Variants in ST6GAL2 observed in about 807,000 individuals in gnomAD.
ST6GAL2 encodes the protein ST6 beta-galactoside alpha-2,6-sialyltransferase 2.
A neutral mutation model predicts 37.5 loss-of-function variants in ST6GAL2; 24 were observed. The ratio of observed to expected loss-of-function variants is 0.64; its 90% CI spans 0.46 to 0.90. The LOEUF (loss-of-function observed/expected upper bound fraction) is 0.90. Among genes scored for constraint, ST6GAL2 ranks in the 40% least tolerant of loss-of-function variants. ST6GAL2 has a pLI of 0.00. For synonymous variants in ST6GAL2, 306 were observed against 295.1 expected (o/e 1.04, Z -0.38); for missense variants, 715 against 712.7 (o/e 1.00, Z -0.04).
intron 1 of ST6GAL2, among the ~76,000 whole-genome samples, chr2:106,857,694 C>T (rs138901333): frequency 6.6e-5 from 10 of 152,220 alleles, no homozygotes; most frequent in African/African-American, 2.4e-4. Context: ...ATATTTAATA[C>T]AAAATATGGC....
rs4676092 is a variant in ST6GAL2, at chr2:106,843,417, C to T, written c.561G>A (p.Glu187=). The change falls in exon 2 of 6, where the codon GAG becomes GAA. Residue 187 remains glutamate, a synonymous_variant. Coordinates refer to ENST00000409382, the MANE Select transcript of ST6GAL2 (RefSeq NM_001142351.2). ...ACAGCCTGTCGCCGTCGTCGCCCTC[C>T]TCCAACACGTGGCTCCTTCTCTGCC... ...HRRQRRSHVL[E]EGDDGDRLYS... is the part of the protein sequence containing the mutation. 799 of 1,614,148 alleles carry T rather than the reference C, an allele frequency of 4.9e-4. 18 individuals are homozygous for T. The South Asian group carries it at 7.2e-3, about 15-fold the overall frequency.
At chr2:106,886,623 TC>T (rs1005673565), upstream of ST6GAL2, 1 of 151,690 alleles carries the variant, frequency 6.6e-6, no homozygotes, top group Non-Finnish European at 1.5e-5. Context: ...AGGCGGCGGT[TC>T]CCGGCCCACG....
At chr2:106,876,924 G>C (rs1678528427) in intron 1 of ST6GAL2, among the ~76,000 whole-genome samples, 1 of 152,058 alleles carries the variant, frequency 6.6e-6, no homozygotes, top group African/African-American at 2.4e-5. Flanking sequence ...AGAAAGACAT[G>C]TGCTTAGAGA....
intron 5 of ST6GAL2, chr2:106,813,282 C>T (rs1675681139): frequency 8.3e-7 from 1 of 1,209,462 alleles, no homozygotes; most frequent in Non-Finnish European, 1.1e-6. Context: ...GCAATTGTGA[C>T]TCAAGAGGCA....
intron 1 of ST6GAL2, among the ~76,000 whole-genome samples, chr2:106,853,533 C>A (rs942730318): frequency 6.6e-6 from 1 of 152,138 alleles, no homozygotes; most frequent in Non-Finnish European, 1.5e-5. Context: ...TCGAAGGATG[C>A]ACAGGTATGG....
intron 1 of ST6GAL2, among the ~76,000 whole-genome samples, chr2:106,854,465 C>A (rs1000351293): frequency 6.6e-6 from 1 of 152,192 alleles, no homozygotes; most frequent in Non-Finnish European, 1.5e-5. Flanking sequence ...TGGCATAACA[C>A]ACATGGATTT....
intron 5 of ST6GAL2, chr2:106,813,153 TC>T: frequency 7.9e-7 from 1 of 1,270,818 alleles, no homozygotes; most frequent in Non-Finnish European, 1.0e-6. Flanking sequence ...CACTCTGTCG[TC>T]CAGGCTGGAG....
intron 2 of ST6GAL2, among the ~76,000 whole-genome samples, chr2:106,840,309 T>G (rs1676825363): frequency 6.6e-6 from 1 of 152,192 alleles, no homozygotes; most frequent in South Asian, 2.1e-4. Flanking sequence ...CTGAAGGAAT[T>G]TGCTGCCAGA....
intron 5 of ST6GAL2, among the ~76,000 whole-genome samples, chr2:106,811,975 C>G (rs1287772757): frequency 1.3e-5 from 2 of 152,046 alleles, no homozygotes; most frequent in African/African-American, 2.4e-5. Context: ...GGACTGAATT[C>G]CCCCAGCAAT....
chr2:106,812,476 G>T (rs776455884), intron 5 of ST6GAL2, among the ~76,000 whole-genome samples: 1 of 152,106 alleles, frequency 6.6e-6, no homozygotes, highest in Non-Finnish European at 1.5e-5. Flanking sequence ...CCAGACTCTC[G>T]GAAGGAAAGC....
At chr2:106,850,185 T>C (rs1314448846) in intron 1 of ST6GAL2, among the ~76,000 whole-genome samples, 1 of 151,968 alleles carries the variant, frequency 6.6e-6, no homozygotes, top group Non-Finnish European at 1.5e-5. Context: ...GGAGATGACA[T>C]ATGGGAAAGG....
At chr2:106,867,628 T>C (rs1678088892) in intron 1 of ST6GAL2, among the ~76,000 whole-genome samples, 1 of 152,142 alleles carries the variant, frequency 6.6e-6, no homozygotes, top group African/African-American at 2.4e-5. Flanking sequence ...TAATACTTGA[T>C]TACCTCTCTA....
chr2:106,818,388 G>A (rs773555379), intron 5 of ST6GAL2, among the ~76,000 whole-genome samples: 28 of 152,188 alleles, frequency 1.8e-4, no homozygotes, highest in Non-Finnish European at 4.0e-4. Context: ...GACTCTGTTT[G>A]TTTGAGAGAA....
intron 5 of ST6GAL2, among the ~76,000 whole-genome samples, chr2:106,815,652 A>G (rs1267864550): frequency 6.6e-6 from 1 of 152,252 alleles, no homozygotes; most frequent in Non-Finnish European, 1.5e-5. Context: ...GTTTAGGCAC[A>G]TGATAATTCA....
rs764850258 is a variant in ST6GAL2, at chr2:106,806,720, C to T, written c.1548G>A (p.Ala516=). 67 of 1,613,944 alleles carry T rather than the reference C, an allele frequency of 4.2e-5. No homozygotes were observed. The highest frequency in any genetic ancestry group is 2.7e-4 in the East Asian group (12 of 44,862). The change falls in exon 6 of 6, where the codon GCG becomes GCA. Residue 516 remains alanine (A), a synonymous_variant. Coordinates refer to ENST00000409382, the MANE Select transcript of ST6GAL2 (RefSeq NM_001142351.2). ...CTGGACTTGGTGCAGGGCAGTGCACCGCCTGGAAGCCGGGAAGAACCACCT... is the reference window on the plus strand; with the variant it reads ...CTGGACTTGGTGCAGGGCAGTGCACTGCCTGGAAGCCGGGAAGAACCACCT... ...KGKVVLPGFQ[A]VHCPAPSPVI...
chr2:106,830,645 A>T (rs576455904), intron 4 of ST6GAL2, among the ~76,000 whole-genome samples: 1 of 152,296 alleles, frequency 6.6e-6, no homozygotes, highest in Admixed American at 6.5e-5. Flanking sequence ...CTAAAAAAAC[A>T]CTATTTATTA....
At chr2:106,850,787 C>A (rs1236553870) in intron 1 of ST6GAL2, among the ~76,000 whole-genome samples, 1 of 152,192 alleles carries the variant, frequency 6.6e-6, no homozygotes, top group East Asian at 1.9e-4. Context: ...GAAAACACAT[C>A]TTTTCCTCTG....
At chr2:106,825,711 T>C (rs1676175001) in intron 5 of ST6GAL2, among the ~76,000 whole-genome samples, 1 of 152,218 alleles carries the variant, frequency 6.6e-6, no homozygotes, top group East Asian at 1.9e-4. Flanking sequence ...TGATGCATCC[T>C]TTTCTTTTCC....
At chr2:106,872,742 C>T (rs1678326694) in intron 1 of ST6GAL2, among the ~76,000 whole-genome samples, 1 of 152,090 alleles carries the variant, frequency 6.6e-6, no homozygotes, top group Non-Finnish European at 1.5e-5. Context: ...GCTGGGATTA[C>T]AGGCGCCCGC....
Sources: allele counts gnomAD v4.1 joint callset (sites outside exome capture counted in the v4.1 genomes callset), GRCh38; gene constraint gnomAD v4.1.1; transcripts MANE v1.5; gene names NCBI Gene and HGNC (gene_info 2026-07-23, HGNC 2026-07-21).